GIPC2: variants seen among roughly 807,000 people sequenced by gnomAD.
GIPC2 encodes GIPC PDZ domain containing family member 2, also known as PDZ domain-containing protein GIPC2.
Under a neutral mutation model 30.6 loss-of-function variants are expected in GIPC2, and 30 were observed. The observed-to-expected ratio is 0.98, with a 90% CI of 0.73 to 1.33. The LOEUF is 1.33. Ranked by LOEUF, GIPC2 falls within the 40% of genes most tolerant of loss-of-function variation. The pLI, the probability that GIPC2 is intolerant of heterozygous loss-of-function variation, is 0.00. For missense variants in GIPC2, 414 were observed against 390.3 expected (o/e 1.06, Z -0.51); for synonymous variants, 167 against 150.0 (o/e 1.11, Z -0.83).
At chr1:78,073,716 G>A (rs1328589959) in intron 1 of GIPC2, among the ~76,000 whole-genome samples, 2 of 152,150 alleles carry the variant, frequency 1.3e-5, no homozygotes, top group Non-Finnish European at 2.9e-5. Context: ...TGAATTTGAT[G>A]TGTTTTGGGA....
intron 1 of GIPC2, among the ~76,000 whole-genome samples, chr1:78,070,132 G>C (rs997986558): frequency 6.6e-6 from 1 of 152,094 alleles, no homozygotes; most frequent in East Asian, 1.9e-4. Flanking sequence ...TTAAAGTTTT[G>C]TTTAAGGATC....
intron 1 of GIPC2, among the ~76,000 whole-genome samples, chr1:78,071,686 C>G (rs1329888107): frequency 6.6e-6 from 1 of 151,878 alleles, no homozygotes; most frequent in African/African-American, 2.4e-5. Flanking sequence ...ATCCTCCTAC[C>G]TTGGCTGGGA....
rs375765616 is a variant in GIPC2, at chr1:78,080,672, C to G, written c.241-3C>G. The G allele has an allele frequency of 7.4e-5, 115 of 1,554,024 alleles. No individual in the cohort carries two copies. The highest frequency in any genetic ancestry group is 1.7e-4 in the Middle Eastern group (1 of 5,856). The stretch of plus-strand genomic sequence containing the variant: ...GGACCTGACATTTTATTTTTCTTTG[C>G]AGATCTTATATTGCACTTTAAACAC... On this transcript the variant is annotated splice_polypyrimidine_tract_variant and splice_region_variant and intron_variant, in intron 1 of 5. Transcript: ENST00000370759.
At chr1:78,094,829 C>T (rs1662106085) in intron 2 of GIPC2, 123 bp from the exon 3 acceptor site, 2 of 609,732 alleles carry the variant, frequency 3.3e-6, no homozygotes, top group Admixed American at 2.7e-5. Flanking sequence ...CTGATATTCC[C>T]AGGCAGTCTC....
In GIPC2 at chr1:78,095,074, G is replaced by T. The variant is rs1048525750; in HGVS notation, c.549G>T (p.Lys183Asn). 7 of 1,612,012 alleles carry T rather than the reference G, an allele frequency of 4.3e-6. No homozygotes were observed. The highest frequency in any genetic ancestry group is 5.9e-6 in the Non-Finnish European group (7 of 1,178,210). Residue 183 changes from lysine to asparagine, a missense_variant, in exon 3 of 6, where the codon AAG (lysine) becomes AAT (asparagine). Physicochemically the swap from Lys to Asn is moderately conservative, Grantham distance 94. Transcript: ENST00000370759. ...ACTATGATGTTGCTAAGAAGTTAAA[G>T]GAATTAAAAAAGGAGGAACTCTTTA... ...WRHYDVAKKL[K>N]ELKKEELFTM...
chr1:78,132,698 T>TGTGTGTGTGTAG (rs1553146045), intron 5 of GIPC2, among the ~76,000 whole-genome samples: 1 of 150,320 alleles, frequency 6.7e-6, no homozygotes, highest in Non-Finnish European at 1.5e-5. Context: ...TGTGTGTGTG[T>TGTGTGTGTGTAG]AGAGAGAGAA....
At chr1:78,072,971 ATT>A (rs34010622) in intron 1 of GIPC2, among the ~76,000 whole-genome samples, 3 of 149,112 alleles carry the variant, frequency 2.0e-5, no homozygotes, top group Non-Finnish European at 3.0e-5. Context: ...CGCCCAGCTA[ATT>A]TTTTTTTTTG....
chr1:78,108,138 T>C (rs1180363730), intron 3 of GIPC2, among the ~76,000 whole-genome samples: 1 of 152,194 alleles, frequency 6.6e-6, no homozygotes, highest in Non-Finnish European at 1.5e-5. Context: ...AAAATCATAT[T>C]ATAGGGTAAA....
intron 1 of GIPC2, among the ~76,000 whole-genome samples, chr1:78,062,015 A>G (rs1661403871): frequency 6.6e-6 from 1 of 152,222 alleles, no homozygotes. Context: ...TGCTATGTGT[A>G]TAAAAATCTC....
intron 1 of GIPC2, among the ~76,000 whole-genome samples, chr1:78,066,590 T>G (rs1661517175): frequency 6.6e-6 from 1 of 152,286 alleles, no homozygotes; most frequent in South Asian, 2.1e-4. Context: ...CACATGTATG[T>G]TCATTGCAGC....
chr1:78,069,843 G>A (rs1176043183), intron 1 of GIPC2, among the ~76,000 whole-genome samples: 1 of 152,136 alleles, frequency 6.6e-6, no homozygotes, highest in Non-Finnish European at 1.5e-5. Flanking sequence ...CTCTCAAGAT[G>A]TTTGATATTT....
At chr1:78,115,315 C>G (rs1370356206) in intron 3 of GIPC2, among the ~76,000 whole-genome samples, 3 of 152,030 alleles carry the variant, frequency 2.0e-5, no homozygotes, top group African/African-American at 4.8e-5. Context: ...AATGGTAAAC[C>G]AAAGCACATG....
intron 2 of GIPC2, among the ~76,000 whole-genome samples, chr1:78,083,915 C>T (rs1001880927): frequency 3.3e-5 from 5 of 152,138 alleles, no homozygotes; most frequent in African/African-American, 4.8e-5. Context: ...TTTCCCCTGA[C>T]CTAGAATCAA....
At chr1:78,125,165 G>T (rs1257653510) in intron 4 of GIPC2, among the ~76,000 whole-genome samples, 1 of 151,822 alleles carries the variant, frequency 6.6e-6, no homozygotes, top group African/African-American at 2.4e-5. Context: ...TGAGTGGCTG[G>T]GACTAAAGGT....
At chr1:78,051,056 A>G (rs1255906003) in intron 1 of GIPC2, among the ~76,000 whole-genome samples, 5 of 152,162 alleles carry the variant, frequency 3.3e-5, no homozygotes, top group African/African-American at 7.2e-5. Flanking sequence ...AGTTTTTACC[A>G]TGATATATTT....
At chr1:78,074,392 T>C (rs1037615735) in intron 1 of GIPC2, among the ~76,000 whole-genome samples, 1 of 152,194 alleles carries the variant, frequency 6.6e-6, no homozygotes, top group African/African-American at 2.4e-5. Flanking sequence ...TAATTATTTT[T>C]TTATTTTATT....
chr1:78,049,217 A>G (rs1216878142), intron 1 of GIPC2, among the ~76,000 whole-genome samples: 1 of 152,178 alleles, frequency 6.6e-6, no homozygotes, highest in Non-Finnish European at 1.5e-5. Flanking sequence ...GCTGGAGTGC[A>G]GTGGCACGAT....
At chr1:78,087,767 T>C (rs758797417) in intron 2 of GIPC2, among the ~76,000 whole-genome samples, 8 of 152,218 alleles carry the variant, frequency 5.3e-5, no homozygotes, top group Non-Finnish European at 1.2e-4. Context: ...AAGTGGGATC[T>C]AATTAAACTT....
chr1:78,098,666 A>G (rs959995199), intron 3 of GIPC2, among the ~76,000 whole-genome samples: 5 of 151,570 alleles, frequency 3.3e-5, no homozygotes, highest in Non-Finnish European at 7.4e-5. Context: ...TGAAGTCCTA[A>G]TCTTCACTAC....
Sources: allele counts gnomAD v4.1 joint callset (sites outside exome capture counted in the v4.1 genomes callset), GRCh38; gene constraint gnomAD v4.1.1; transcripts MANE v1.5; gene names NCBI Gene and HGNC (gene_info 2026-07-23, HGNC 2026-07-21).